The following PTK2 variants were observed in gnomAD, a reference collection of about 807,000 sequenced individuals.
PTK2 encodes the protein protein tyrosine kinase 2.
In PTK2, 45 loss-of-function variants were observed where a neutral mutation model predicts 150.1. That is an observed-to-expected ratio of 0.30 (90% CI 0.24 to 0.38). The LOEUF is 0.38. Ranked by LOEUF, PTK2 falls within the 10% of genes least tolerant of loss-of-function variation. PTK2 has a pLI of 1.00. For synonymous variants in PTK2, 432 were observed against 449.2 expected (o/e 0.96, Z 0.48); for missense variants, 919 against 1,307.3 (o/e 0.70, Z 4.58).
chr8:140,900,811 T>C (rs1427388177), intron 2 of PTK2, among the ~76,000 whole-genome samples: 2 of 152,068 alleles, frequency 1.3e-5, no homozygotes, highest in Admixed American at 6.6e-5. Context: ...AAATTAATAT[T>C]GTTAAAATGA....
At chr8:140,956,600 GA>G (rs1003833029) in intron 1 of PTK2, among the ~76,000 whole-genome samples, 2 of 152,162 alleles carry the variant, frequency 1.3e-5, no homozygotes, top group African/African-American at 4.8e-5. Context: ...AGGTATTCCA[GA>G]AGGCACTGTT....
intron 1 of PTK2, among the ~76,000 whole-genome samples, chr8:140,986,993 C>T (rs150176287): frequency 1.5e-3 from 221 of 152,088 alleles, no homozygotes; most frequent in African/African-American, 4.7e-3. Flanking sequence ...AAACACAACC[C>T]GTAAAGCAAC....
At chr8:140,879,476 C>T (rs1219053358) in exon 4 of PTK2, 1 of 1,604,704 alleles carries the variant, frequency 6.2e-7, no homozygotes, top group South Asian at 1.1e-5. Flanking sequence ...CTTACTTCCA[C>T]TCCTCTGGTG....
rs140353135 is a variant in PTK2 at position 140,660,608 on chromosome 8, C to T, written c.2947-930G>A. ...GAGTATGGTGGTGTGCACCTGTATT[C>T]CAAGCTACTCAGGAGGCTGACGTGG... On this transcript the variant is annotated intron_variant, in intron 31 of 31. Coordinates refer to ENST00000522684, the Ensembl canonical transcript of PTK2. 1,320 of 455,226 alleles carry T rather than the reference C, an allele frequency of 2.9e-3. 40 individuals carry two copies. The East Asian group carries it at 0.066, about 23-fold the overall frequency. The allele number at this position is 455,226 out of a possible 1,614,324, so 28.2% of individuals were successfully genotyped here.
At chr8:140,731,745 A>G (rs568062590) in intron 22 of PTK2, among the ~76,000 whole-genome samples, 1 of 152,186 alleles carries the variant, frequency 6.6e-6, no homozygotes, top group South Asian at 2.1e-4. Context: ...AAATACAAAA[A>G]ATTAGCTGGG....
chr8:140,676,758 T>G (rs1308355130), intron 27 of PTK2, among the ~76,000 whole-genome samples: 18 of 47,436 alleles, frequency 3.8e-4, no homozygotes, highest in Non-Finnish European at 7.6e-4. Context: ...AAACCCCGTC[T>G]CTACTTTAAA....
At chr8:140,885,379 G>A (rs983616306) in intron 3 of PTK2, among the ~76,000 whole-genome samples, 1 of 152,162 alleles carries the variant, frequency 6.6e-6, no homozygotes, top group African/African-American at 2.4e-5. Context: ...CTGTTTGCCT[G>A]CTAGACACTG....
At chr8:140,777,938 G>A (rs1566152567) in intron 14 of PTK2, among the ~76,000 whole-genome samples, 1 of 152,152 alleles carries the variant, frequency 6.6e-6, no homozygotes, top group African/African-American at 2.4e-5. Flanking sequence ...GCCTTCAACT[G>A]CCCTGCTCCT....
chr8:140,787,836 A>G (rs1275236223), intron 14 of PTK2, among the ~76,000 whole-genome samples: 3 of 152,174 alleles, frequency 2.0e-5, no homozygotes, highest in Non-Finnish European at 2.9e-5. Context: ...ACAGTTTGGC[A>G]AGAAGACGGA....
rs544200204 is a variant in PTK2, at chr8:140,756,691, CA to C, written c.1333-4376del. Among the ~76,000 whole-genome samples, 738 of 99,408 alleles carry C rather than the reference CA, an allele frequency of 7.4e-3. 2 individuals carry two copies. The highest frequency in any genetic ancestry group is 0.019 in the African/African-American group (505 of 25,932). 65.2% of individuals were successfully genotyped at this position (99,408 alleles called of 152,430 possible). The stretch of plus-strand genomic sequence containing the variant: ...GGGCAACAAGAGGGAAACTCTGTCT[CA>C]AAAAAAAAAAAAAAAGGCGGGGCGC... On this transcript the variant is annotated intron_variant, in intron 16 of 31. Coordinates refer to ENST00000522684, the Ensembl canonical transcript of PTK2.
intron 14 of PTK2, among the ~76,000 whole-genome samples, chr8:140,767,517 G>T (rs1243838452): frequency 1.3e-5 from 2 of 151,958 alleles, no homozygotes; most frequent in Non-Finnish European, 2.9e-5. Flanking sequence ...ACAGGTTCTT[G>T]CTCTGTCGCC....
intron 1 of PTK2, among the ~76,000 whole-genome samples, chr8:140,962,950 G>A (rs768092202): frequency 6.6e-6 from 1 of 151,412 alleles, no homozygotes; most frequent in Non-Finnish European, 1.5e-5. Context: ...TATTCTTTGT[G>A]TTAAGTACAT....
chr8:140,851,596 C>CA (rs1239627639), intron 5 of PTK2, among the ~76,000 whole-genome samples: 1 of 152,160 alleles, frequency 6.6e-6, no homozygotes. Flanking sequence ...TGGTGGCTCA[C>CA]ACCTGTAATC....
At chr8:140,721,304 A>G (rs548395591) in intron 22 of PTK2, among the ~76,000 whole-genome samples, 1 of 152,222 alleles carries the variant, frequency 6.6e-6, no homozygotes, top group Non-Finnish European at 1.5e-5. Flanking sequence ...AAGACTGGCT[A>G]TCAATCAAAC....
chr8:140,917,114 G>C (rs964500528), intron 2 of PTK2, among the ~76,000 whole-genome samples: 1 of 152,190 alleles, frequency 6.6e-6, no homozygotes, highest in African/African-American at 2.4e-5. Context: ...AAATTGACCA[G>C]GTGTGGTGGC....
At chr8:140,719,998 C>T (rs571575920) in intron 22 of PTK2, among the ~76,000 whole-genome samples, 7 of 152,028 alleles carry the variant, frequency 4.6e-5, no homozygotes, top group African/African-American at 1.2e-4. Flanking sequence ...GAGAAGAGCT[C>T]GGCCTGGTAC....
intron 10 of PTK2, among the ~76,000 whole-genome samples, chr8:140,807,282 G>C (rs1377833632): frequency 2.0e-5 from 3 of 152,238 alleles, no homozygotes; most frequent in Non-Finnish European, 2.9e-5. Flanking sequence ...TTATTGGAAA[G>C]GAGAGGAGGG....
intron 8 of PTK2, among the ~76,000 whole-genome samples, chr8:140,827,539 T>C (rs1433582669): frequency 6.6e-6 from 1 of 152,026 alleles, no homozygotes; most frequent in Non-Finnish European, 1.5e-5. Context: ...GGAGGGTTTT[T>C]TTTAGGGGGG....
chr8:140,966,419 C>T (rs2100185325), intron 1 of PTK2, among the ~76,000 whole-genome samples: 1 of 152,330 alleles, frequency 6.6e-6, no homozygotes, highest in Non-Finnish European at 1.5e-5. Context: ...ACTAGGCTTA[C>T]TGCCCACTTA....
Sources: gnomAD v4.1 joint callset for allele counts (sites outside exome capture counted in the v4.1 genomes callset) on GRCh38, gnomAD v4.1.1 for gene constraint, MANE v1.5 for transcripts, NCBI Gene and HGNC (gene_info 2026-07-23, HGNC 2026-07-21) for gene names.